Variants in TPD52L1 observed in about 807,000 individuals in gnomAD.
The protein encoded by TPD52L1 is tumor protein D53.
In TPD52L1, 18 loss-of-function variants were observed where a neutral mutation model predicts 28.7. The observed-to-expected ratio is 0.63, with a 90% confidence interval of 0.43 to 0.93. The LOEUF (loss-of-function observed/expected upper bound fraction) is 0.93. Among genes scored for constraint, TPD52L1 ranks in the 40% least tolerant of loss-of-function variants. TPD52L1 has a pLI of 0.00. For missense variants in TPD52L1, 203 were observed against 254.8 expected, an observed-to-expected ratio of 0.80 and a Z score of 1.39; for synonymous variants, 75 against 88.8, an observed-to-expected ratio of 0.84 and a Z score of 0.88.
chr6:125,192,982 G>A (rs1793161520), intron 1 of TPD52L1, among the ~76,000 whole-genome samples: 1 of 152,184 alleles, frequency 6.6e-6, no homozygotes, highest in South Asian at 2.1e-4. Flanking sequence ...TTATCCTTAT[G>A]TGTTAAGCAT....
chr6:125,221,310 C>T (rs1795215883), intron 2 of TPD52L1, among the ~76,000 whole-genome samples: 1 of 152,210 alleles, frequency 6.6e-6, no homozygotes, highest in Non-Finnish European at 1.5e-5. Context: ...TACCAGAGTG[C>T]ACAGACCAAA....
intron 1 of TPD52L1, among the ~76,000 whole-genome samples, chr6:125,181,534 A>G (rs996175565): frequency 2.6e-5 from 4 of 152,258 alleles, no homozygotes; most frequent in Non-Finnish European, 5.9e-5. Context: ...AACTATGAAC[A>G]GATAAAGAAT....
At chr6:125,261,645 AG>A (rs1284147095) in intron 6 of TPD52L1, 1 of 148,804 alleles carries the variant, frequency 6.7e-6, no homozygotes, top group Non-Finnish European at 1.5e-5. Context: ...AAAAAAAAAA[AG>A]GGCAAGTTGC....
intron 3 of TPD52L1, among the ~76,000 whole-genome samples, chr6:125,244,271 T>C (rs1032829243): frequency 6.6e-6 from 1 of 152,182 alleles, no homozygotes; most frequent in Non-Finnish European, 1.5e-5. Context: ...ATTTACTGAG[T>C]TGACTTTAGG....
chr6:125,194,729 T>C (rs1793300984), intron 1 of TPD52L1, among the ~76,000 whole-genome samples: 1 of 152,236 alleles, frequency 6.6e-6, no homozygotes, highest in Non-Finnish European at 1.5e-5. Flanking sequence ...ATATTACCTC[T>C]ATGAAGATCT....
At chr6:125,207,667 A>T (rs1794236158) in intron 1 of TPD52L1, among the ~76,000 whole-genome samples, 1 of 152,220 alleles carries the variant, frequency 6.6e-6, no homozygotes, top group Non-Finnish European at 1.5e-5. Flanking sequence ...CTGAGATGCA[A>T]ACCCATTGCT....
chr6:125,213,542 C>G (rs989320956), intron 1 of TPD52L1, among the ~76,000 whole-genome samples: 6 of 152,148 alleles, frequency 3.9e-5, no homozygotes, highest in African/African-American at 1.4e-4. Flanking sequence ...CTTTCCACTT[C>G]CTCCATTTGT....
Position 125,202,766 on chromosome 6 carries a change from C to CTTT in TPD52L1, c.20-17298_20-17296dup, listed in dbSNP as rs55761249. ...CTGAGTGTTACATTTGGAGGTTTATCTTTTTTTTTTTTTTTTGAGACGGAG... is the reference window on the plus strand; with the variant it reads ...CTGAGTGTTACATTTGGAGGTTTATCTTTTTTTTTTTTTTTTTTTGAGACGGAG... On this transcript the variant is annotated intron_variant, in intron 1 of 6. Coordinates refer to ENST00000534000, the MANE Select transcript of TPD52L1 (RefSeq NM_003287.4). Among the ~76,000 whole-genome samples, 13 of 116,450 alleles carry CTTT rather than the reference C, an allele frequency of 1.1e-4. 1 individual carries two copies. The highest frequency in any genetic ancestry group is 4.0e-4 in the Admixed American group (4 of 10,120). The allele number at this position is 116,450 out of a possible 152,430, so 76.4% of individuals were successfully genotyped here.
chr6:125,191,601 T>C (rs894585567), intron 1 of TPD52L1, among the ~76,000 whole-genome samples: 1 of 152,206 alleles, frequency 6.6e-6, no homozygotes, highest in Non-Finnish European at 1.5e-5. Context: ...CTTGGCTGGC[T>C]ATCCTGGCAT....
intron 1 of TPD52L1, among the ~76,000 whole-genome samples, chr6:125,218,498 C>T (rs1795023631): frequency 1.3e-5 from 2 of 152,128 alleles, no homozygotes; most frequent in Admixed American, 1.3e-4. Context: ...ATATCGGGAA[C>T]AAATCTTTTT....
rs1789977794 is a variant in TPD52L1 at position 125,154,448 on chromosome 6, C to T, written c.19+478C>T. 10 of 986,932 alleles carry T rather than the reference C, an allele frequency of 1.0e-5. No homozygotes were observed. The South Asian group carries it at 4.7e-4, about 46-fold the overall frequency. The allele number at this position is 986,932 out of a possible 1,614,324, so 61.1% of individuals were successfully genotyped here. Reference sequence around the variant, plus strand: ...CCGAGGGGGTGGCTCCGCAGCCCGGCTGCGCGAGACGCTTCCCGCTCGGGG... The same window carrying T: ...CCGAGGGGGTGGCTCCGCAGCCCGGTTGCGCGAGACGCTTCCCGCTCGGGG... On this transcript the variant is annotated intron_variant, in intron 1 of 6. Transcript: ENST00000534000.
chr6:125,208,611 G>A (rs1048643789), intron 1 of TPD52L1, among the ~76,000 whole-genome samples: 4 of 152,112 alleles, frequency 2.6e-5, no homozygotes, highest in Admixed American at 1.3e-4. Flanking sequence ...CTTATTGGTG[G>A]CTCCAGGCAC....
intron 1 of TPD52L1, chr6:125,219,851 C>G (rs1582954587): frequency 1.9e-6 from 1 of 527,530 alleles, no homozygotes; most frequent in Non-Finnish European, 3.4e-6. Context: ...GTTTACATCT[C>G]TGCCTTCTCA....
At chr6:125,214,143 T>G (rs974060259) in intron 1 of TPD52L1, among the ~76,000 whole-genome samples, 1 of 152,016 alleles carries the variant, frequency 6.6e-6, no homozygotes, top group African/African-American at 2.4e-5. Flanking sequence ...GGACTAGACA[T>G]TTGCTAACCA....
intron 1 of TPD52L1, among the ~76,000 whole-genome samples, chr6:125,204,258 T>C (rs1056259175): frequency 1.3e-5 from 2 of 152,164 alleles, no homozygotes; most frequent in Non-Finnish European, 2.9e-5. Flanking sequence ...GAATGAAAGC[T>C]AGACCCTGGC....
intron 1 of TPD52L1, among the ~76,000 whole-genome samples, chr6:125,218,214 A>T (rs769370396): frequency 6.6e-6 from 1 of 152,204 alleles, no homozygotes; most frequent in Non-Finnish European, 1.5e-5. Context: ...TCTTGCCAGC[A>T]GTATATGAGA....
intron 1 of TPD52L1, among the ~76,000 whole-genome samples, chr6:125,172,209 T>C (rs9491323): frequency 1.6e-4 from 21 of 133,992 alleles, no homozygotes; most frequent in Non-Finnish European, 2.5e-4. Flanking sequence ...TTCTTTCTTC[T>C]TTCTTTCTTT....
At position 125,153,853 on chromosome 6, in the gene TPD52L1, A is replaced by G; in HGVS notation, c.-99A>G. 1 of 1,396,416 alleles carries G rather than the reference A, an allele frequency of 7.2e-7. No homozygotes were observed. The highest frequency in any genetic ancestry group is 9.6e-7 in the Non-Finnish European group (1 of 1,044,016). The allele number at this position is 1,396,416 out of a possible 1,614,324, so 86.5% of individuals were successfully genotyped here. ...GACACGCGTGCCAGGAGTGGGAGCG[A>G]GCGGCGGGGCCAGCTGCGTTCTGAG... is the stretch of plus-strand genomic sequence containing the variant. On this transcript the variant is annotated 5_prime_UTR_variant, in exon 1 of 7. Coordinates refer to ENST00000534000, the MANE Select transcript of TPD52L1 (RefSeq NM_003287.4).
intron 1 of TPD52L1, among the ~76,000 whole-genome samples, chr6:125,180,914 T>C (rs1347486625): frequency 9.5e-6 from 1 of 105,806 alleles, no homozygotes; most frequent in Non-Finnish European, 1.7e-5. Flanking sequence ...TGAATGCTTT[T>C]CAGTATATCT....
Sources: allele counts gnomAD v4.1 joint callset (sites outside exome capture counted in the v4.1 genomes callset), GRCh38; gene constraint gnomAD v4.1.1; transcripts MANE v1.5; gene names NCBI Gene and HGNC (gene_info 2026-07-23, HGNC 2026-07-21).